Variants in GPC5 observed in about 807,000 individuals in gnomAD.
GPC5 encodes the protein glypican-5.
A neutral mutation model predicts 53.9 loss-of-function variants in GPC5; 47 were observed. The ratio of observed to expected loss-of-function variants is 0.87; its 90% confidence interval spans 0.69 to 1.11. GPC5 has a LOEUF of 1.11. Among genes scored for constraint, GPC5 ranks in the 50% most tolerant of loss-of-function variants. The pLI is 0.00. For missense variants in GPC5, 748 were observed against 713.1 expected, an observed-to-expected ratio of 1.05 and a Z score of -0.56; for synonymous variants, 286 against 263.3, an observed-to-expected ratio of 1.09 and a Z score of -0.84.
intron 5 of GPC5, among the ~76,000 whole-genome samples, chr13:91,882,759 GA>G (rs2039281339): frequency 7.8e-6 from 1 of 127,510 alleles, no homozygotes; most frequent in African/African-American, 2.9e-5. Flanking sequence ...TATCAAAGCT[GA>G]TTTTTTTTTG....
intron 7 of GPC5, among the ~76,000 whole-genome samples, chr13:92,385,701 A>T (rs984800030): frequency 2.0e-4 from 25 of 125,732 alleles, no homozygotes; most frequent in African/African-American, 8.3e-4. Flanking sequence ...ACCTATATAC[A>T]CATATATACA....
chr13:92,144,746 A>G (rs1594780976), intron 6 of GPC5, 84 bp from the exon 7 acceptor site: 1 of 1,353,402 alleles, frequency 7.4e-7, no homozygotes, highest in Non-Finnish European at 1.0e-6. Flanking sequence ...ACATAACAAA[A>G]TAATTCTAAA....
chr13:92,248,710 A>C (rs1389036343), intron 7 of GPC5, among the ~76,000 whole-genome samples: 1 of 152,154 alleles, frequency 6.6e-6, no homozygotes, highest in Non-Finnish European at 1.5e-5. Flanking sequence ...CAGTTCTAGG[A>C]TTCTAACCTG....
rs755038276 is a variant in GPC5 at position 91,571,867 on chromosome 13, GTATA to G, written c.326-121315_326-121312del. 2.4e-3 allele frequency among the ~76,000 whole-genome samples: 245 copies of G among 102,892 alleles called. 11 individuals are homozygous for G. Among genetic ancestry groups the G allele is most frequent in the South Asian group, 4.5e-3 (14 of 3,094 alleles). The allele number at this position is 102,892 out of a possible 152,430, so 67.5% of individuals were successfully genotyped here. A position where few individuals can be genotyped will look rare whatever the true frequency, so the allele number is the denominator to read the frequency against. On this transcript the variant is annotated intron_variant, in intron 2 of 7. Coordinates refer to ENST00000377067, the MANE Select transcript of GPC5 (RefSeq NM_004466.6). ...TGTGTATATACACATATACGTGTGTGTATATATACACACATATACGTGTGTATAT... is the reference window on the plus strand; with the variant it reads ...TGTGTATATACACATATACGTGTGTGTATACACACATATACGTGTGTATAT...
At chr13:92,286,278 A>C (rs570415077) in intron 7 of GPC5, among the ~76,000 whole-genome samples, 1 of 152,284 alleles carries the variant, frequency 6.6e-6, no homozygotes, top group African/African-American at 2.4e-5. Context: ...ACACTTTTAC[A>C]CTGTTGGTGG....
In GPC5 at chr13:91,653,186, A is replaced by G. The variant is rs11842511; in HGVS notation, c.326-40001A>G. On this transcript the variant is annotated intron_variant, in intron 2 of 7. Transcript: ENST00000377067. ...TCTTCCACTTTTCAAACGTTCCTGT[A>G]AAAACCTTTCACCTTGTGACAGACT... 7.4e-3 allele frequency among the ~76,000 whole-genome samples: 1,132 copies of G among 152,334 alleles called. 12 individuals are homozygous for G. Among genetic ancestry groups the G allele is most frequent in the African/African-American group, 0.026 (1,071 of 41,572 alleles).
intron 7 of GPC5, among the ~76,000 whole-genome samples, chr13:92,218,181 G>A (rs900699726): frequency 2.6e-5 from 4 of 151,804 alleles, no homozygotes; most frequent in African/African-American, 9.7e-5. Flanking sequence ...TCTCCCCTTG[G>A]CCTCCCAAAG....
chr13:91,575,492 A>G (rs1226696838), intron 2 of GPC5, among the ~76,000 whole-genome samples: 1 of 152,164 alleles, frequency 6.6e-6, no homozygotes, highest in Non-Finnish European at 1.5e-5. Flanking sequence ...GTTGAGAATA[A>G]CAGAGCTATA....
At chr13:91,863,470 C>T (rs911670957) in intron 5 of GPC5, among the ~76,000 whole-genome samples, 4 of 152,146 alleles carry the variant, frequency 2.6e-5, no homozygotes, top group African/African-American at 9.7e-5. Context: ...GTGCAAAACA[C>T]TAATACATGT....
intron 6 of GPC5, among the ~76,000 whole-genome samples, chr13:91,930,040 A>C (rs926711551): frequency 6.6e-6 from 1 of 152,108 alleles, no homozygotes; most frequent in Non-Finnish European, 1.5e-5. Flanking sequence ...ATATACCTTT[A>C]TAATTGGGTG....
intron 7 of GPC5, among the ~76,000 whole-genome samples, chr13:92,379,662 C>G (rs1036379661): frequency 1.3e-5 from 2 of 151,844 alleles, no homozygotes; most frequent in African/African-American, 4.8e-5. Context: ...TCCCTGTGCC[C>G]CCTGCATATT....
chr13:92,033,036 C>CATGTGTGTGT (rs1491249102), intron 6 of GPC5, among the ~76,000 whole-genome samples: 1 of 138,992 alleles, frequency 7.2e-6, no homozygotes, highest in African/African-American at 2.7e-5. Flanking sequence ...TAGTTATTGT[C>CATGTGTGTGT]GTGTGTGTGT....
Position 92,567,204 on chromosome 13 carries a change from T to C in GPC5, c.1562-299078T>C, listed in dbSNP as rs114832758. Among the ~76,000 whole-genome samples, 683 of 152,246 alleles carry C rather than the reference T, an allele frequency of 4.5e-3. 1 individual carries two copies. The highest frequency in any genetic ancestry group is 0.012 in the African/African-American group (483 of 41,550). ...CCCGAGGCCAAAATTTCCCAAAGAT[T>C]TGATGATACATAAAATACTTTTGGC... On this transcript the variant is annotated intron_variant, in intron 7 of 7. Transcript: ENST00000377067.
intron 6 of GPC5, among the ~76,000 whole-genome samples, chr13:92,107,483 A>G (rs2041519185): frequency 6.6e-6 from 1 of 152,132 alleles, no homozygotes; most frequent in African/African-American, 2.4e-5. Flanking sequence ...TACTTCCAGA[A>G]TAATGTAAGG....
At position 92,735,610 on chromosome 13, in the gene GPC5, G is replaced by A. The variant is rs113134464; in HGVS notation, c.1562-130672G>A. On this transcript the variant is annotated intron_variant, in intron 7 of 7. Transcript: ENST00000377067. The stretch of plus-strand genomic sequence containing the variant: ...GGTAGGATTCTTCAGTGAGAAAATG[G>A]AAAATGAAATGTTATCCACATCATA... Among the ~76,000 whole-genome samples, 1,028 of 151,948 alleles carry A rather than the reference G, an allele frequency of 6.8e-3. 8 individuals carry two copies. Among genetic ancestry groups the A allele is most frequent in the African/African-American group, 0.022 (899 of 41,472 alleles).
intron 2 of GPC5, among the ~76,000 whole-genome samples, chr13:91,490,955 C>A (rs1001589533): frequency 6.6e-6 from 1 of 152,088 alleles, no homozygotes; most frequent in Non-Finnish European, 1.5e-5. Context: ...ACTAGTTTCC[C>A]CTTCCCCCAC....
chr13:91,757,890 T>C (rs1016840848), intron 5 of GPC5, among the ~76,000 whole-genome samples: 1 of 152,190 alleles, frequency 6.6e-6, no homozygotes, highest in African/African-American at 2.4e-5. Context: ...GATAAACATA[T>C]ACTATAATCA....
chr13:92,752,158 G>A lies in GPC5; in HGVS notation c.1562-114124G>A, dbSNP rs141994200. 2.6e-5 allele frequency among the ~76,000 whole-genome samples: 4 copies of A among 151,866 alleles called. No individual in the cohort carries two copies. In the East Asian group the frequency reaches 5.8e-4, roughly 22 times the overall value. On this transcript the variant is annotated intron_variant, in intron 7 of 7. Coordinates refer to ENST00000377067, the MANE Select transcript of GPC5 (RefSeq NM_004466.6). Reference sequence around the variant, plus strand: ...CGAAACAAATACGTGGAGTGTGTCCGTGTGTGTGTTAGCATTTGCGTCACA... The same window carrying A: ...CGAAACAAATACGTGGAGTGTGTCCATGTGTGTGTTAGCATTTGCGTCACA...
chr13:91,675,429 G>T (rs1393007816), intron 2 of GPC5, among the ~76,000 whole-genome samples: 1 of 152,000 alleles, frequency 6.6e-6, no homozygotes, highest in Non-Finnish European at 1.5e-5. Context: ...TCAATTTTTG[G>T]CTCAAAAACC....
Sources: allele counts gnomAD v4.1 joint callset (sites outside exome capture counted in the v4.1 genomes callset), GRCh38; gene constraint gnomAD v4.1.1; transcripts MANE v1.5; gene names NCBI Gene and HGNC (gene_info 2026-07-23, HGNC 2026-07-21).